SUMF1: variants seen among roughly 807,000 people sequenced by gnomAD.
SUMF1 encodes sulfatase modifying factor 1, also known as formylglycine-generating enzyme.
In SUMF1, 48 loss-of-function variants were observed where a neutral mutation model predicts 47.6. The observed-to-expected ratio is 1.01, with a 90% CI of 0.80 to 1.28. SUMF1 has a LOEUF of 1.28. SUMF1 is among the 50% of genes most tolerant of loss of function. SUMF1 has a pLI of 0.00. For synonymous variants in SUMF1, 230 were observed against 192.1 expected (o/e 1.20, Z -1.63); for missense variants, 571 against 485.4 (o/e 1.18, Z -1.66).
At chr3:4,275,432 T>G (rs1476306365) in intron 8 of SUMF1, among the ~76,000 whole-genome samples, 3 of 152,068 alleles carry the variant, frequency 2.0e-5, no homozygotes, top group Non-Finnish European at 4.4e-5. Context: ...CAGGGCAATG[T>G]CAAGAGGCAG....
At chr3:4,087,546 A>G (rs913863482) in intron 8 of SUMF1, among the ~76,000 whole-genome samples, 4 of 152,180 alleles carry the variant, frequency 2.6e-5, no homozygotes, top group Middle Eastern at 3.4e-3. Context: ...AAATTAAACT[A>G]TATTTTTCCA....
Position 4,188,058 on chromosome 3 carries a change from C to G in SUMF1, c.1015-119313G>C, listed in dbSNP as rs529043367. On this transcript the variant is annotated intron_variant and NMD_transcript_variant, in intron 8 of 12. Coordinates refer to the SUMF1 transcript ENST00000448413. ...GGAAATTTCTCATATACCCCCTACA[C>G]ACATGCTCTTAGCTTCCCGCATTAT... Among the ~76,000 whole-genome samples the G allele has an allele frequency of 4.5e-4, 68 of 152,228 alleles. 2 individuals carry two copies. The highest frequency in any genetic ancestry group is 4.3e-3 in the Admixed American group (66 of 15,294).
intron 8 of SUMF1, among the ~76,000 whole-genome samples, chr3:4,099,950 A>T (rs1048899858): frequency 2.0e-5 from 3 of 151,866 alleles, no homozygotes; most frequent in Non-Finnish European, 4.4e-5. Flanking sequence ...AGAAATAGAA[A>T]ATGACACAAA....
intron 7 of SUMF1, among the ~76,000 whole-genome samples, chr3:4,403,597 C>A (rs912097822): frequency 2.0e-5 from 3 of 152,116 alleles, no homozygotes; most frequent in African/African-American, 7.2e-5. Flanking sequence ...AAGAGCTTGT[C>A]TGTACAAGGC....
chr3:4,182,879 G>A (rs1695125579), intron 8 of SUMF1, among the ~76,000 whole-genome samples: 2 of 152,054 alleles, frequency 1.3e-5, no homozygotes, highest in African/African-American at 4.8e-5. Context: ...TTTACCTATG[G>A]GGAAAGAGGG....
At position 4,134,421 on chromosome 3, in the gene SUMF1, G is replaced by A. The variant is rs1488349801; in HGVS notation, c.1015-65676C>T. On this transcript the variant is annotated intron_variant and NMD_transcript_variant, in intron 8 of 12. Coordinates refer to the SUMF1 transcript ENST00000448413. Reference sequence around the variant, plus strand: ...AATAAAGATGTTCTTTGAATCCAATGAGAACAAAGATACAACATACCAGAA... The same window carrying A: ...AATAAAGATGTTCTTTGAATCCAATAAGAACAAAGATACAACATACCAGAA... Among the ~76,000 whole-genome samples the A allele has an allele frequency of 2.0e-5, 3 of 152,272 alleles. No individual in the cohort carries two copies. The East Asian group carries it at 5.8e-4, about 29-fold the overall frequency.
At position 4,098,766 on chromosome 3, in the gene SUMF1, G is replaced by A. The variant is rs1181657746; in HGVS notation, c.1015-30021C>T. On this transcript the variant is annotated intron_variant and NMD_transcript_variant, in intron 8 of 12. Transcript: ENST00000448413. ...CATTCTGCAGATAATCATCCTTCAT[G>A]GTTTCAAACCAAAAGGAAAAAAAGT... Among the ~76,000 whole-genome samples the A allele has an allele frequency of 6.4e-4, 97 of 152,092 alleles. 3 individuals carry two copies. Among genetic ancestry groups the A allele is most frequent in the Admixed American group, 6.4e-3 (97 of 15,272 alleles).
At chr3:4,123,317 C>T (rs1421127270) in intron 8 of SUMF1, among the ~76,000 whole-genome samples, 1 of 152,016 alleles carries the variant, frequency 6.6e-6, no homozygotes, top group Non-Finnish European at 1.5e-5. Flanking sequence ...GACACTTTAT[C>T]TCACAATTCC....
At chr3:4,461,603 A>G (rs911667679) in intron 1 of SUMF1, among the ~76,000 whole-genome samples, 6 of 151,350 alleles carry the variant, frequency 4.0e-5, no homozygotes, top group African/African-American at 1.2e-4. Context: ...TGCAATCATG[A>G]CTTCCATGTG....
chr3:4,157,131 A>C (rs1485688472), intron 8 of SUMF1, among the ~76,000 whole-genome samples: 3 of 151,460 alleles, frequency 2.0e-5, no homozygotes, highest in Non-Finnish European at 2.9e-5. Flanking sequence ...TGTCTACCCC[A>C]TTTAATTTCT....
intron 3 of SUMF1, among the ~76,000 whole-genome samples, chr3:4,430,007 A>G (rs1702184960): frequency 6.6e-6 from 1 of 152,202 alleles, no homozygotes; most frequent in African/African-American, 2.4e-5. Context: ...GAAGGATCTG[A>G]GAAGATATCT....
intron 8 of SUMF1, among the ~76,000 whole-genome samples, chr3:4,214,335 C>G (rs2629261): frequency 0.68 from 104,014 of 151,882 alleles, 36,930 homozygotes; most frequent in African/African-American, 0.89. Flanking sequence ...AATGAAGGCA[C>G]AAATAGATGT....
Position 4,354,411 on chromosome 3 carries a change from C to G in SUMF1, c.1014+21919G>C, listed in dbSNP as rs564683949. Among the ~76,000 whole-genome samples the G allele has an allele frequency of 2.0e-5, 3 of 151,944 alleles. No individual in the cohort carries two copies. The South Asian group carries it at 6.3e-4, about 32-fold the overall frequency. On this transcript the variant is annotated intron_variant and NMD_transcript_variant, in intron 8 of 12. Transcript: ENST00000448413. ...TCCTTCTTTTTAATTATTGTTATGT[C>G]CACAAATGACTTTTCCATTGGTATT...
At chr3:4,143,261 G>A (rs1318638232) in intron 8 of SUMF1, among the ~76,000 whole-genome samples, 1 of 152,128 alleles carries the variant, frequency 6.6e-6, no homozygotes, top group Admixed American at 6.6e-5. Context: ...CTAAGTGCCA[G>A]ATTCAAGAAC....
At chr3:4,265,136 CAAAAAAAAAAAAAA>C (rs71043507) in intron 8 of SUMF1, among the ~76,000 whole-genome samples, 1 of 73,412 alleles carries the variant, frequency 1.4e-5, no homozygotes, top group South Asian at 5.2e-4. Flanking sequence ...GACTCCATCT[CAAAAAAAAAAAAAA>C]AAAAAAAAAG....
At chr3:4,200,229 A>C (rs925598439) in intron 8 of SUMF1, among the ~76,000 whole-genome samples, 1 of 145,702 alleles carries the variant, frequency 6.9e-6, no homozygotes, top group Admixed American at 7.1e-5. Flanking sequence ...TGTAGGTGTC[A>C]ACTTGACGGG....
At chr3:4,278,486 C>A (rs1208320271) in intron 8 of SUMF1, among the ~76,000 whole-genome samples, 1 of 152,018 alleles carries the variant, frequency 6.6e-6, no homozygotes, top group African/African-American at 2.4e-5. Context: ...GGATGACTTG[C>A]TTAATTCTGA....
In SUMF1 at chr3:4,165,024, G is replaced by T. The variant is rs529195147; in HGVS notation, c.1015-96279C>A. Reference sequence around the variant, plus strand: ...AGGTCAGCAGATGTTTATGAATCCAGTCCCCGTGATCTGAGTCTAGGTCCC... The same window carrying T: ...AGGTCAGCAGATGTTTATGAATCCATTCCCCGTGATCTGAGTCTAGGTCCC... On this transcript the variant is annotated intron_variant and NMD_transcript_variant, in intron 8 of 12. Transcript: ENST00000448413. 2.6e-5 allele frequency among the ~76,000 whole-genome samples: 4 copies of T among 152,180 alleles called. No individual in the cohort carries two copies. In the South Asian group the frequency reaches 8.3e-4, roughly 32 times the overall value.
chr3:4,106,362 G>A (rs558958757), intron 8 of SUMF1, among the ~76,000 whole-genome samples: 3 of 152,090 alleles, frequency 2.0e-5, no homozygotes, highest in Admixed American at 6.5e-5. Context: ...AAATAGCACT[G>A]TTCACCAGGC....
Sources: allele counts gnomAD v4.1 joint callset (sites outside exome capture counted in the v4.1 genomes callset), GRCh38; gene constraint gnomAD v4.1.1; transcripts MANE v1.5; gene names NCBI Gene and HGNC (gene_info 2026-07-23, HGNC 2026-07-21).